PMEPA1: variants seen among roughly 807,000 people sequenced by gnomAD.
PMEPA1 encodes prostate transmembrane protein, androgen induced 1.
PMEPA1 carries 11 observed loss-of-function variants against 23.0 expected under a neutral mutation model. The observed-to-expected ratio is 0.48, with a 90% CI of 0.30 to 0.79. The LOEUF (loss-of-function observed/expected upper bound fraction) is 0.79, where lower values mean the gene tolerates loss of function less well. PMEPA1 is among the 30% of genes least tolerant of loss of function. The pLI is 0.06. For synonymous variants in PMEPA1, 204 were observed against 166.4 expected (o/e 1.23, Z -1.74); for missense variants, 377 against 390.9 (o/e 0.96, Z 0.30).
chr20:57,685,084 C>T (rs1338833815), intron 1 of PMEPA1, among the ~76,000 whole-genome samples: 1 of 152,004 alleles, frequency 6.6e-6, no homozygotes, highest in Non-Finnish European at 1.5e-5. Context: ...CTGCAACCCT[C>T]CCAAGTACTG....
At chr20:57,703,221 C>G (rs924682174) in intron 1 of PMEPA1, among the ~76,000 whole-genome samples, 14 of 152,248 alleles carry the variant, frequency 9.2e-5, no homozygotes, top group Admixed American at 1.3e-4. Context: ...AGACCGGCCC[C>G]TCCCCGGCCC....
intron 1 of PMEPA1, among the ~76,000 whole-genome samples, chr20:57,697,147 C>T (rs2071952362): frequency 6.6e-6 from 1 of 152,196 alleles, no homozygotes; most frequent in Admixed American, 6.5e-5. Flanking sequence ...GGAGTTGGTC[C>T]TGGTGGCTGC....
chr20:57,667,070 T>A (rs1331668144), intron 1 of PMEPA1, among the ~76,000 whole-genome samples: 5 of 152,128 alleles, frequency 3.3e-5, no homozygotes, highest in Non-Finnish European at 7.4e-5. Flanking sequence ...GTACGGGACA[T>A]GGGCCTGTGG....
chr20:57,704,275 G>A lies in PMEPA1; in HGVS notation c.109+5199C>T, dbSNP rs2072047922. ...CTGGACTCTTGCCCCTGGTTCCCTG[G>A]AGCCCACCCCAAAGACAACTGAGTT... On this transcript the variant is annotated intron_variant, in intron 1 of 3. Coordinates refer to ENST00000341744, the MANE Select transcript of PMEPA1 (RefSeq NM_020182.5). The surrounding 1 kb of genome is among the most constrained non-coding windows in gnomAD (Gnocchi z 4.6). Among the ~76,000 whole-genome samples the A allele has an allele frequency of 6.6e-6, 1 of 152,094 alleles. No homozygotes were observed. The highest frequency in any genetic ancestry group is 1.5e-5 in the Non-Finnish European group (1 of 68,010).
intron 1 of PMEPA1, among the ~76,000 whole-genome samples, chr20:57,677,657 C>G (rs1259157828): frequency 6.6e-6 from 1 of 152,200 alleles, no homozygotes; most frequent in Non-Finnish European, 1.5e-5. Context: ...CCATCCGACC[C>G]AGCAATTGCA....
chr20:57,652,538 G>T lies in PMEPA1; in HGVS notation c.379C>A (p.Arg127=). 2 of 1,551,794 alleles carry T rather than the reference G, an allele frequency of 1.3e-6. No homozygotes were observed. The highest frequency in any genetic ancestry group is 8.7e-7 in the Non-Finnish European group (1 of 1,147,772). Residue 127 remains arginine (R), a synonymous_variant, in exon 4 of 4, where the codon CGG becomes AGG. Transcript: ENST00000341744. This position sits in a 1 kb window ranked among gnomAD's most constrained non-coding sequence, Gnocchi z 6.1. ...DRLAVPPFAQ[R]ERFHRFQPTY... Reference sequence around the variant, plus strand: ...GGCTGGAAGCGGTGGAAGCGCTCCCGCTGGGCGAAGGGCGGCACGGCCAGG... The same window carrying T: ...GGCTGGAAGCGGTGGAAGCGCTCCCTCTGGGCGAAGGGCGGCACGGCCAGG...
At position 57,652,485 on chromosome 20, in the gene PMEPA1, G is replaced by A. The variant is rs2071258775; in HGVS notation, c.432C>T (p.Ile144=). ...QPTYPYLQHE[I]DLPPTISLSD... Reference sequence around the variant, plus strand: ...ACAGCGAGATGGTGGGTGGCAGGTCGATCTCGTGCTGCAGGTACGGATAGG... The same window carrying A: ...ACAGCGAGATGGTGGGTGGCAGGTCAATCTCGTGCTGCAGGTACGGATAGG... The change falls in exon 4 of 4, where the codon ATC becomes ATT. Residue 144 remains isoleucine (I), a synonymous_variant. Coordinates refer to ENST00000341744, the MANE Select transcript of PMEPA1 (RefSeq NM_020182.5). The surrounding 1 kb of genome is among the most constrained non-coding windows in gnomAD (Gnocchi z 6.1). 6.2e-7 allele frequency: 1 copy of A among 1,607,350 alleles called. No individual in the cohort carries two copies.
rs1385264502 is a variant in PMEPA1, at chr20:57,683,439, A to G, written c.110-23742T>C. On this transcript the variant is annotated intron_variant, in intron 1 of 3. Coordinates refer to ENST00000341744, the MANE Select transcript of PMEPA1 (RefSeq NM_020182.5). This position sits in a 1 kb window ranked among gnomAD's most constrained non-coding sequence, Gnocchi z 4.3. Reference sequence around the variant, plus strand: ...TGCCAGCCTGAGGATCCAATATTTAATAGCCCATCCTTCAGGAACATTCCT... The same window carrying G: ...TGCCAGCCTGAGGATCCAATATTTAGTAGCCCATCCTTCAGGAACATTCCT... 6.6e-6 allele frequency among the ~76,000 whole-genome samples: 1 copy of G among 152,070 alleles called. No individual in the cohort carries two copies. The highest frequency in any genetic ancestry group is 1.5e-5 in the Non-Finnish European group (1 of 68,002).
Position 57,700,352 on chromosome 20 carries a change from CT to C in PMEPA1, c.109+9121del, listed in dbSNP as rs1280836372. Among the ~76,000 whole-genome samples, 5 of 152,370 alleles carry C rather than the reference CT, an allele frequency of 3.3e-5. No homozygotes were observed. In the East Asian group the frequency reaches 9.6e-4, roughly 29 times the overall value. ...TCTATTTGGTGCCAAGATCGTGCAA[CT>C]TTTATCAACACAAATAAGCACTTGG... On this transcript the variant is annotated intron_variant, in intron 1 of 3. Transcript: ENST00000341744.
Position 57,709,785 on chromosome 20 carries a change from C to G in PMEPA1, c.-203G>C, listed in dbSNP as rs1209297442. ...CGGGACCGCGCTCCGCTGCGCCCCCCCGGCCTCCCCTCGGCAGCCCCGGGG... is the reference window on the plus strand; with the variant it reads ...CGGGACCGCGCTCCGCTGCGCCCCCGCGGCCTCCCCTCGGCAGCCCCGGGG... On this transcript the variant is annotated 5_prime_UTR_variant, in exon 1 of 4. Transcript: ENST00000341744. 5.1e-6 allele frequency: 5 copies of G among 982,294 alleles called. No homozygotes were observed. Among genetic ancestry groups the G allele is most frequent in the East Asian group, 1.2e-4 (1 of 8,598 alleles). The allele number at this position is 982,294 out of a possible 1,614,324, so 60.8% of individuals were successfully genotyped here.
At chr20:57,662,591 A>G (rs2071436787) in intron 1 of PMEPA1, among the ~76,000 whole-genome samples, 1 of 152,204 alleles carries the variant, frequency 6.6e-6, no homozygotes, top group African/African-American at 2.4e-5. Flanking sequence ...CCAGACAGGC[A>G]GGTCCAGGGC....
At chr20:57,698,676 G>A (rs1343136100) in intron 1 of PMEPA1, among the ~76,000 whole-genome samples, 2 of 152,162 alleles carry the variant, frequency 1.3e-5, no homozygotes, top group Admixed American at 6.5e-5. Flanking sequence ...GGGAATCTGC[G>A]GAACTGGCGC....
At chr20:57,666,043 C>A (rs933626109) in intron 1 of PMEPA1, among the ~76,000 whole-genome samples, 2 of 151,904 alleles carry the variant, frequency 1.3e-5, no homozygotes, top group Admixed American at 6.6e-5. Flanking sequence ...CATTTTTCTT[C>A]GTAATTTTTC....
intron 1 of PMEPA1, among the ~76,000 whole-genome samples, chr20:57,665,507 C>CAAAA (rs77601752): frequency 0.012 from 1,035 of 86,006 alleles, 11 homozygotes; most frequent in African/African-American, 0.037. Flanking sequence ...CCTCATCTGT[C>CAAAA]AAAAAAAAAA....
intron 1 of PMEPA1, chr20:57,700,318 G>A (rs2071994507): frequency 5.6e-6 from 2 of 354,594 alleles, no homozygotes; most frequent in African/African-American, 4.3e-5. Flanking sequence ...CTGTCAAAAT[G>A]TTTATTGATC....
chr20:57,664,952 GC>G (rs2071472854), intron 1 of PMEPA1, among the ~76,000 whole-genome samples: 1 of 152,154 alleles, frequency 6.6e-6, no homozygotes, highest in Non-Finnish European at 1.5e-5. Context: ...CTGACAGACT[GC>G]CCCTTTACCA....
intron 1 of PMEPA1, among the ~76,000 whole-genome samples, chr20:57,695,456 C>T (rs568895971): frequency 2.0e-5 from 3 of 152,392 alleles, no homozygotes; most frequent in African/African-American, 7.2e-5. Flanking sequence ...GCTAGAGAAT[C>T]GGACCTCCAG....
chr20:57,661,691 G>A (rs1249128195), intron 1 of PMEPA1, among the ~76,000 whole-genome samples: 4 of 152,162 alleles, frequency 2.6e-5, no homozygotes, highest in Non-Finnish European at 4.4e-5. Flanking sequence ...CGGGCCATCA[G>A]ACAGCCCAGG....
chr20:57,684,300 AG>A (rs1489188190), intron 1 of PMEPA1, among the ~76,000 whole-genome samples: 1 of 143,168 alleles, frequency 7.0e-6, no homozygotes, highest in Non-Finnish European at 1.5e-5. Flanking sequence ...TCTAGCTGGG[AG>A]GGGGGCAGGG....
Sources: gnomAD v4.1 joint callset for allele counts (sites outside exome capture counted in the v4.1 genomes callset) on GRCh38, gnomAD v4.1.1 for gene constraint, Gnocchi (gnomAD v3.1) non-coding constraint, MANE v1.5 for transcripts, NCBI Gene and HGNC (gene_info 2026-07-23, HGNC 2026-07-21) for gene names.